Variants in DPP10 observed in about 807,000 individuals in gnomAD.
DPP10 encodes the protein inactive dipeptidyl peptidase 10.
DPP10 carries 33 observed loss-of-function variants against 120.9 expected under a neutral mutation model. The ratio of observed to expected loss-of-function variants is 0.27; its 90% CI spans 0.21 to 0.37. The LOEUF is 0.37. DPP10 is among the 10% of genes least tolerant of loss of function. DPP10 has a pLI of 1.00. For missense variants in DPP10, 816 were observed against 942.8 expected (o/e 0.87, Z 1.76); for synonymous variants, 337 against 326.1 (o/e 1.03, Z -0.36).
chr2:114,758,784 T>C (rs1680020168), intron 1 of DPP10, among the ~76,000 whole-genome samples: 2 of 152,190 alleles, frequency 1.3e-5, no homozygotes, highest in South Asian at 4.1e-4. Flanking sequence ...AAATCTCAAC[T>C]GTATGTATGT....
intron 1 of DPP10, among the ~76,000 whole-genome samples, chr2:114,775,314 A>G (rs1681629486): frequency 6.6e-6 from 1 of 152,142 alleles, no homozygotes; most frequent in African/African-American, 2.4e-5. Context: ...AAGTCGTTAT[A>G]CTACTCAAGT....
chr2:115,120,644 G>A (rs1471390314), intron 1 of DPP10, among the ~76,000 whole-genome samples: 1 of 152,120 alleles, frequency 6.6e-6, no homozygotes, highest in Non-Finnish European at 1.5e-5. Context: ...TACTACTAAA[G>A]CATTTAGTAG....
chr2:114,903,335 T>C (rs1007608445), intron 1 of DPP10, among the ~76,000 whole-genome samples: 5 of 152,224 alleles, frequency 3.3e-5, no homozygotes, highest in Non-Finnish European at 7.4e-5. Flanking sequence ...GGTAAATGTA[T>C]GTATAAGCCT....
intron 1 of DPP10, among the ~76,000 whole-genome samples, chr2:114,942,323 A>G (rs1357528740): frequency 7.9e-6 from 1 of 126,822 alleles, no homozygotes; most frequent in Non-Finnish European, 1.6e-5. Flanking sequence ...ATATATATAC[A>G]CACACATATA....
rs573332972 is a variant in DPP10, at chr2:115,296,936, C to T, written c.61-12303C>T. 3.9e-5 allele frequency among the ~76,000 whole-genome samples: 6 copies of T among 152,102 alleles called. No homozygotes were observed. The East Asian group carries it at 9.7e-4, about 25-fold the overall frequency. On this transcript the variant is annotated intron_variant, in intron 1 of 25. Coordinates refer to ENST00000410059, the MANE Select transcript of DPP10 (RefSeq NM_020868.6). ...ACAGATGTTCTAAAACTGACTGTTT[C>T]AGAGGAACTACTTTCCTTGACTCAA...
intron 5 of DPP10, among the ~76,000 whole-genome samples, chr2:115,629,250 A>G (rs892244404): frequency 2.0e-5 from 3 of 152,056 alleles, no homozygotes; most frequent in Non-Finnish European, 2.9e-5. Context: ...AGTCTTTGCT[A>G]TTGCGAATAG....
chr2:115,091,298 C>T (rs72835743), intron 1 of DPP10, among the ~76,000 whole-genome samples: 5,081 of 152,276 alleles, frequency 0.033, 119 homozygotes, highest in Non-Finnish European at 0.048. Context: ...TAAACTTCAT[C>T]CACATTTTCC....
At chr2:114,969,461 A>G (rs1050163444) in intron 1 of DPP10, among the ~76,000 whole-genome samples, 4 of 152,208 alleles carry the variant, frequency 2.6e-5, no homozygotes, top group Non-Finnish European at 5.9e-5. Context: ...GTGTTTGTGT[A>G]TGGTGTGTAT....
At chr2:115,740,001 G>C in intron 9 of DPP10, 108 bp downstream of exon 9, 1 of 1,279,968 alleles carries the variant, frequency 7.8e-7, no homozygotes, top group Non-Finnish European at 1.1e-6. Context: ...GAAAACAGAA[G>C]TTTTCCTTAC....
chr2:115,659,454 A>G (rs1243452141), intron 5 of DPP10, among the ~76,000 whole-genome samples: 1 of 152,166 alleles, frequency 6.6e-6, no homozygotes, highest in Non-Finnish European at 1.5e-5. Flanking sequence ...ATCAAGATCC[A>G]GATAGAGTTA....
intron 5 of DPP10, among the ~76,000 whole-genome samples, chr2:115,639,471 A>G (rs1371539450): frequency 1.3e-5 from 2 of 152,180 alleles, no homozygotes; most frequent in Non-Finnish European, 2.9e-5. Flanking sequence ...AAACGAAGTC[A>G]GGTGCAGTAG....
At chr2:115,030,699 C>T (rs924755296) in intron 1 of DPP10, among the ~76,000 whole-genome samples, 1 of 152,142 alleles carries the variant, frequency 6.6e-6, no homozygotes, top group Non-Finnish European at 1.5e-5. Context: ...CATGTGTTCT[C>T]ATCATTCAGT....
intron 1 of DPP10, among the ~76,000 whole-genome samples, chr2:115,165,230 A>G (rs1448837913): frequency 6.6e-6 from 1 of 152,204 alleles, no homozygotes; most frequent in Non-Finnish European, 1.5e-5. Flanking sequence ...TTGATTCTCA[A>G]AGCAGTTTTT....
intron 5 of DPP10, among the ~76,000 whole-genome samples, chr2:115,656,763 A>G (rs1417869519): frequency 6.6e-6 from 1 of 151,716 alleles, no homozygotes; most frequent in Non-Finnish European, 1.5e-5. Flanking sequence ...GAGCATACAT[A>G]AGATAGACAT....
At chr2:115,326,766 A>C (rs2062391471) in intron 2 of DPP10, among the ~76,000 whole-genome samples, 2 of 152,112 alleles carry the variant, frequency 1.3e-5, no homozygotes, top group South Asian at 4.1e-4. Flanking sequence ...GGACATAAAG[A>C]AGGAAAATAT....
In DPP10 at chr2:114,980,615, G is replaced by T. The variant is rs1700019850; in HGVS notation, c.61-328624G>T. On this transcript the variant is annotated intron_variant, in intron 1 of 25. Transcript: ENST00000410059. ...TTCATACAGTTTCTAGAACTTAGAA[G>T]GAACAAAAAGAATCTACTGAAAAAA... Among the ~76,000 whole-genome samples, 3 of 145,328 alleles carry T rather than the reference G, an allele frequency of 2.1e-5. No homozygotes were observed. In the Admixed American group the frequency reaches 2.1e-4, roughly 10 times the overall value.
chr2:114,539,823 A>C (rs1686813194), intron 1 of DPP10, among the ~76,000 whole-genome samples: 2 of 152,200 alleles, frequency 1.3e-5, no homozygotes, highest in South Asian at 4.1e-4. Flanking sequence ...ATACAGCACT[A>C]TATGTAGTCT....
At chr2:115,509,424 TG>T (rs2077110237) in intron 4 of DPP10, among the ~76,000 whole-genome samples, 1 of 152,148 alleles carries the variant, frequency 6.6e-6, no homozygotes, top group Admixed American at 6.6e-5. Flanking sequence ...ACCATTGAGA[TG>T]GGGAATTCTG....
chr2:114,985,207 C>T (rs1330904117), intron 1 of DPP10, among the ~76,000 whole-genome samples: 3 of 152,148 alleles, frequency 2.0e-5, no homozygotes, highest in African/African-American at 7.2e-5. Context: ...CACACTGTCT[C>T]TTGACTTTGT....
Sources: gnomAD v4.1 joint callset for allele counts (sites outside exome capture counted in the v4.1 genomes callset) on GRCh38, gnomAD v4.1.1 for gene constraint, MANE v1.5 for transcripts, NCBI Gene and HGNC (gene_info 2026-07-23, HGNC 2026-07-21) for gene names.